The following MMP20 variants were observed in gnomAD, a reference collection of about 807,000 sequenced individuals.
MMP20 encodes matrix metallopeptidase 20, also known as matrix metalloproteinase-20.
MMP20 carries 50 observed loss-of-function variants against 51.8 expected under a neutral mutation model. The observed-to-expected ratio is 0.97, with a 90% confidence interval of 0.77 to 1.22. The LOEUF (loss-of-function observed/expected upper bound fraction) is 1.22, where lower values mean the gene tolerates loss of function less well. Ranked by LOEUF, MMP20 falls within the 50% of genes most tolerant of loss-of-function variation. The pLI, the probability that MMP20 is intolerant of heterozygous loss-of-function variation, is 0.00. For missense variants in MMP20, 663 were observed against 601.4 expected (o/e 1.10, Z -1.07); for synonymous variants, 244 against 216.2 (o/e 1.13, Z -1.13).
chr11:102,625,221 G>T lies in MMP20; in HGVS notation c.99C>A (p.Thr33=). 6.2e-7 allele frequency: 1 copy of T among 1,614,024 alleles called. No homozygotes were observed. The highest frequency in any genetic ancestry group is 8.5e-7 in the Non-Finnish European group (1 of 1,179,998). ...GTGCGAGGCGGTAGTTGTTCCTCCAGGTCCTGGGGGAGGCTGCAACTAGGG... is the reference window on the plus strand; with the variant it reads ...GTGCGAGGCGGTAGTTGTTCCTCCATGTCCTGGGGGAGGCTGCAACTAGGG... ...APSLVAASPR[T]WRNNYRLAQA... is the part of the protein sequence containing the mutation. Residue 33 remains threonine (T), a synonymous_variant, in exon 1 of 10, where the codon ACC becomes ACA. Transcript: ENST00000260228.
intron 6 of MMP20, among the ~76,000 whole-genome samples, chr11:102,599,424 G>T (rs1859420365): frequency 6.6e-6 from 1 of 152,188 alleles, no homozygotes; most frequent in South Asian, 2.1e-4. Context: ...TTTATAACTG[G>T]CTGTGTGACC....
At chr11:102,593,250 T>G (rs1859338117) in intron 8 of MMP20, among the ~76,000 whole-genome samples, 189 bp downstream of exon 8, 1 of 152,226 alleles carries the variant, frequency 6.6e-6, no homozygotes, top group African/African-American at 2.4e-5. Context: ...GAATGAAGGT[T>G]TCACTCATCA....
chr11:102,622,193 A>G (rs1247644729), intron 1 of MMP20, among the ~76,000 whole-genome samples: 4 of 149,458 alleles, frequency 2.7e-5, no homozygotes, highest in Non-Finnish European at 6.0e-5. Context: ...GGGGAGGGAG[A>G]GGTGTATGGT....
chr11:102,586,769 A>G (rs753762444), intron 8 of MMP20, among the ~76,000 whole-genome samples: 5 of 152,020 alleles, frequency 3.3e-5, no homozygotes, highest in Non-Finnish European at 5.9e-5. Flanking sequence ...GTGAGCCGAG[A>G]TCATGCCACT....
intron 5 of MMP20, 106 bp from the exon 6 acceptor site, chr11:102,606,782 G>A: frequency 7.5e-7 from 1 of 1,328,784 alleles, no homozygotes; most frequent in Non-Finnish European, 1.1e-6. Context: ...CTGGACATGT[G>A]ATCATGATCA....
At chr11:102,622,983 T>A (rs144781653) in intron 1 of MMP20, among the ~76,000 whole-genome samples, 4 of 152,330 alleles carry the variant, frequency 2.6e-5, no homozygotes, top group African/African-American at 7.2e-5. Context: ...TGAGTGTCCC[T>A]GCCCAGAGCT....
At chr11:102,621,860 A>G (rs949235589) in intron 1 of MMP20, among the ~76,000 whole-genome samples, 4 of 152,236 alleles carry the variant, frequency 2.6e-5, no homozygotes, top group Admixed American at 6.5e-5. Context: ...TTATCATAGA[A>G]AATAAAATGG....
chr11:102,606,510 A>G lies in MMP20; in HGVS notation c.953+25T>C, dbSNP rs369545672. On this transcript the variant is annotated intron_variant, in intron 6 of 9. Coordinates refer to ENST00000260228, the MANE Select transcript of MMP20 (RefSeq NM_004771.4). ...GGGAGTGGAGATGAGGCCCAATGAG[A>G]GTCGGTGGCGTGTCTGAGGCTTACC... is the stretch of plus-strand genomic sequence containing the variant. 3 of 1,613,536 alleles carry G rather than the reference A, an allele frequency of 1.9e-6. No individual in the cohort carries two copies. In the African/African-American group the frequency reaches 4.0e-5, roughly 22 times the overall value.
chr11:102,603,827 G>C (rs1008938258), intron 6 of MMP20, among the ~76,000 whole-genome samples: 1 of 152,136 alleles, frequency 6.6e-6, no homozygotes, highest in Non-Finnish European at 1.5e-5. Context: ...AAGCAGATAC[G>C]TACATTGTAG....
intron 8 of MMP20, among the ~76,000 whole-genome samples, chr11:102,589,088 A>G (rs61893839): frequency 0.075 from 11,362 of 152,268 alleles, 552 homozygotes; most frequent in Non-Finnish European, 0.11. Context: ...CTAGAAAGGC[A>G]TTGACACTAC....
chr11:102,584,841 T>C (rs2701961), intron 8 of MMP20, among the ~76,000 whole-genome samples: 75,877 of 151,942 alleles, frequency 0.5, 19,610 homozygotes, highest in South Asian at 0.66. Flanking sequence ...CTTTTGCATG[T>C]GGCTATCCAC....
At chr11:102,598,787 C>A (rs1859412577) in intron 6 of MMP20, among the ~76,000 whole-genome samples, 1 of 152,088 alleles carries the variant, frequency 6.6e-6, no homozygotes, top group African/African-American at 2.4e-5. Flanking sequence ...CCTTAAAGGT[C>A]TTCTTTTGTT....
chr11:102,623,930 A>G (rs1388512923), intron 1 of MMP20, among the ~76,000 whole-genome samples: 2 of 152,246 alleles, frequency 1.3e-5, no homozygotes, highest in Admixed American at 1.3e-4. Context: ...CAATTGAATA[A>G]GGATCCCAGT....
chr11:102,580,764 G>A (rs1859183363), intron 8 of MMP20, among the ~76,000 whole-genome samples: 1 of 152,118 alleles, frequency 6.6e-6, no homozygotes. Context: ...ACTACCACCT[G>A]TTTTCACACT....
intron 2 of MMP20, among the ~76,000 whole-genome samples, chr11:102,612,682 G>T (rs1047172041): frequency 1.3e-5 from 2 of 151,096 alleles, no homozygotes; most frequent in Non-Finnish European, 3.0e-5. Flanking sequence ...TATTGGGGAA[G>T]GTTTTTTTTT....
chr11:102,624,042 G>A (rs138999993), intron 1 of MMP20, among the ~76,000 whole-genome samples: 1 of 152,362 alleles, frequency 6.6e-6, no homozygotes, highest in East Asian at 1.9e-4. Flanking sequence ...CTGTTCATCT[G>A]CGGGGCTGAT....
At chr11:102,618,878 G>C (rs907060023) in intron 1 of MMP20, among the ~76,000 whole-genome samples, 1 of 152,150 alleles carries the variant, frequency 6.6e-6, no homozygotes, top group African/African-American at 2.4e-5. Flanking sequence ...TGTTTGGAGA[G>C]GGTACGCTAT....
At chr11:102,614,997 TAAG>T (rs1206102361) in intron 2 of MMP20, among the ~76,000 whole-genome samples, 2 of 150,602 alleles carry the variant, frequency 1.3e-5, no homozygotes, top group Non-Finnish European at 3.0e-5. Flanking sequence ...TGTAGTGAAA[TAAG>T]AGGCAATATG....
At chr11:102,602,116 ATTTTTTT>A (rs10593493) in intron 6 of MMP20, among the ~76,000 whole-genome samples, 1 of 109,662 alleles carries the variant, frequency 9.1e-6, no homozygotes, top group African/African-American at 3.8e-5. Flanking sequence ...CGCCCGGCTA[ATTTTTTT>A]TTTTTTTTTT....
Sources: gnomAD v4.1 joint callset for allele counts (sites outside exome capture counted in the v4.1 genomes callset) on GRCh38, gnomAD v4.1.1 for gene constraint, MANE v1.5 for transcripts, NCBI Gene and HGNC (gene_info 2026-07-23, HGNC 2026-07-21) for gene names.